The following SGCZ variants were observed in gnomAD, a reference collection of about 807,000 sequenced individuals.
The protein encoded by SGCZ is zeta-sarcoglycan.
SGCZ carries 40 observed loss-of-function variants against 41.3 expected under a neutral mutation model. The ratio of observed to expected loss-of-function variants is 0.97; its 90% confidence interval spans 0.75 to 1.26. SGCZ has a LOEUF of 1.26. Among genes scored for constraint, SGCZ ranks in the 50% most tolerant of loss-of-function variants. SGCZ has a pLI of 0.00. For missense variants in SGCZ, 552 were observed against 369.8 expected (o/e 1.49, Z -4.04); for synonymous variants, 206 against 137.5 (o/e 1.50, Z -3.49).
At chr8:14,896,436 C>A (rs1805200348) in intron 1 of SGCZ, among the ~76,000 whole-genome samples, 1 of 141,292 alleles carries the variant, frequency 7.1e-6, no homozygotes, top group South Asian at 2.1e-4. Flanking sequence ...TGATGGAAGA[C>A]TTTTATTTAT....
At chr8:14,893,242 T>C (rs970469053) in intron 1 of SGCZ, among the ~76,000 whole-genome samples, 3 of 151,898 alleles carry the variant, frequency 2.0e-5, no homozygotes, top group African/African-American at 7.3e-5. Context: ...ATTTTAAAGA[T>C]GGAGGAAGGA....
At chr8:14,993,158 C>T (rs1029249133) in intron 1 of SGCZ, among the ~76,000 whole-genome samples, 4 of 152,182 alleles carry the variant, frequency 2.6e-5, no homozygotes, top group Non-Finnish European at 5.9e-5. Flanking sequence ...CTTCTATCTC[C>T]TGTCTTCCTT....
intron 1 of SGCZ, among the ~76,000 whole-genome samples, chr8:14,623,506 G>A (rs1453874608): frequency 6.6e-6 from 1 of 152,136 alleles, no homozygotes; most frequent in Non-Finnish European, 1.5e-5. Flanking sequence ...CCCGTGAAAA[G>A]GACAGGAGGG....
chr8:14,289,778 G>A (rs572179248), intron 3 of SGCZ, among the ~76,000 whole-genome samples: 1 of 150,998 alleles, frequency 6.6e-6, no homozygotes, highest in Non-Finnish European at 1.5e-5. Flanking sequence ...AACTGTATTA[G>A]TCCATTTCCA....
At chr8:14,751,165 A>G (rs1356396255) in intron 1 of SGCZ, among the ~76,000 whole-genome samples, 2 of 152,194 alleles carry the variant, frequency 1.3e-5, no homozygotes, top group Non-Finnish European at 2.9e-5. Context: ...ATATATTTTT[A>G]TATCTTGTTT....
intron 1 of SGCZ, among the ~76,000 whole-genome samples, chr8:14,897,708 G>A (rs1448253163): frequency 6.6e-6 from 1 of 152,134 alleles, no homozygotes; most frequent in Non-Finnish European, 1.5e-5. Flanking sequence ...TTACGTTCTT[G>A]CAACTGTATT....
intron 3 of SGCZ, among the ~76,000 whole-genome samples, chr8:14,306,650 G>A (rs1477942636): frequency 1.3e-5 from 2 of 152,026 alleles, no homozygotes; most frequent in African/African-American, 4.8e-5. Flanking sequence ...CATGAGGAAG[G>A]CAACAATGAC....
chr8:14,619,542 C>G (rs1806216399), intron 1 of SGCZ, among the ~76,000 whole-genome samples: 2 of 152,228 alleles, frequency 1.3e-5, no homozygotes, highest in South Asian at 4.2e-4. Flanking sequence ...CTAGAAAACC[C>G]CACTGTCTCA....
intron 1 of SGCZ, among the ~76,000 whole-genome samples, chr8:15,223,771 A>G (rs1399985335): frequency 6.6e-6 from 1 of 152,214 alleles, no homozygotes; most frequent in East Asian, 1.9e-4. Flanking sequence ...TCATTACAGA[A>G]TATGTATTTA....
intron 1 of SGCZ, among the ~76,000 whole-genome samples, chr8:14,750,835 A>T (rs937868147): frequency 2.0e-5 from 3 of 152,200 alleles, no homozygotes; most frequent in African/African-American, 7.2e-5. Flanking sequence ...TACTGTGCCT[A>T]TTCAGGTTTG....
At chr8:15,216,620 A>G (rs999173466) in intron 1 of SGCZ, among the ~76,000 whole-genome samples, 1 of 152,078 alleles carries the variant, frequency 6.6e-6, no homozygotes, top group African/African-American at 2.4e-5. Flanking sequence ...AACTATATAG[A>G]TATCCTTATT....
chr8:14,250,829 C>A (rs1038110779), intron 3 of SGCZ, among the ~76,000 whole-genome samples: 1 of 152,174 alleles, frequency 6.6e-6, no homozygotes, highest in African/African-American at 2.4e-5. Flanking sequence ...CTCTTCTTCC[C>A]TGTCTTAAGT....
At chr8:14,397,119 G>C (rs1461884) in intron 2 of SGCZ, among the ~76,000 whole-genome samples, 29,488 of 151,892 alleles carry the variant, frequency 0.19, 3,594 homozygotes, top group Non-Finnish European at 0.28. Flanking sequence ...ACTATTCTTT[G>C]TGCTTTGCTG....
intron 2 of SGCZ, among the ~76,000 whole-genome samples, chr8:14,522,325 T>A (rs1802814688): frequency 6.6e-6 from 1 of 152,054 alleles, no homozygotes; most frequent in Admixed American, 6.6e-5. Flanking sequence ...TTCCTGTTAA[T>A]TCTTTTTTGA....
At chr8:14,530,566 C>A (rs1803095804) in intron 2 of SGCZ, among the ~76,000 whole-genome samples, 1 of 152,030 alleles carries the variant, frequency 6.6e-6, no homozygotes, top group African/African-American at 2.4e-5. Flanking sequence ...TTTGAAAGTA[C>A]AATGAGATTG....
intron 1 of SGCZ, among the ~76,000 whole-genome samples, chr8:14,815,178 C>G (rs984941189): frequency 8.0e-5 from 12 of 150,272 alleles, no homozygotes; most frequent in African/African-American, 2.9e-4. Flanking sequence ...TGCTCAATGT[C>G]TTTGTAGACT....
At chr8:14,219,026 T>C (rs1036547545) in intron 4 of SGCZ, among the ~76,000 whole-genome samples, 2 of 152,210 alleles carry the variant, frequency 1.3e-5, no homozygotes, top group Non-Finnish European at 2.9e-5. Context: ...TGAAAAAGCT[T>C]GATAAGTGGG....
intron 3 of SGCZ, among the ~76,000 whole-genome samples, chr8:14,271,094 G>A (rs1800043241): frequency 6.6e-6 from 1 of 152,044 alleles, no homozygotes; most frequent in Non-Finnish European, 1.5e-5. Context: ...TATACCTAAT[G>A]TTAAATGATG....
chr8:15,164,771 GC>G (rs2117048828), intron 1 of SGCZ, among the ~76,000 whole-genome samples: 3 of 152,056 alleles, frequency 2.0e-5, no homozygotes, highest in Middle Eastern at 3.4e-3. Context: ...AATCTGGTGT[GC>G]TTTGCATGTC....
Sources: allele counts gnomAD v4.1 joint callset (sites outside exome capture counted in the v4.1 genomes callset), GRCh38; gene constraint gnomAD v4.1.1; transcripts MANE v1.5; gene names NCBI Gene and HGNC (gene_info 2026-07-23, HGNC 2026-07-21).